The following PTPRR variants were observed in gnomAD, a reference collection of about 807,000 sequenced individuals.
PTPRR encodes protein tyrosine phosphatase receptor type R.
PTPRR carries 38 observed loss-of-function variants against 77.2 expected under a neutral mutation model. The ratio of observed to expected loss-of-function variants is 0.49; its 90% confidence interval spans 0.38 to 0.65. The LOEUF is 0.65. PTPRR is among the 30% of genes least tolerant of loss of function. The pLI, the probability that PTPRR is intolerant of heterozygous loss-of-function variation, is 0.00. For missense variants in PTPRR, 744 were observed against 799.2 expected (o/e 0.93, Z 0.83); for synonymous variants, 299 against 283.1 (o/e 1.06, Z -0.57).
intron 2 of PTPRR, among the ~76,000 whole-genome samples, chr12:70,876,751 G>C (rs1316538484): frequency 6.6e-6 from 1 of 152,096 alleles, no homozygotes; most frequent in African/African-American, 2.4e-5. Flanking sequence ...TTAAAAAATA[G>C]TCTTCTTTCT....
At position 70,686,225 on chromosome 12, in the gene PTPRR, T is replaced by C. The variant is rs1445574067; in HGVS notation, c.1280-1442A>G. Among the ~76,000 whole-genome samples, 3 of 152,052 alleles carry C rather than the reference T, an allele frequency of 2.0e-5. 1 individual carries two copies. The highest frequency in any genetic ancestry group is 4.4e-5 in the Non-Finnish European group (3 of 68,020). ...TCTGGGTAAACACAATCTCTTACGT[T>C]CCCCACGAAAACTGAGACAAAGAGG... On this transcript the variant is annotated intron_variant, in intron 8 of 13. Transcript: ENST00000283228.
chr12:70,669,412 A>T (rs1209257034), intron 10 of PTPRR, among the ~76,000 whole-genome samples: 4 of 151,778 alleles, frequency 2.6e-5, no homozygotes, highest in South Asian at 2.1e-4. Flanking sequence ...TGGAACACTT[A>T]AATATATCTT....
At chr12:70,871,397 A>G (rs1330090628) in intron 2 of PTPRR, among the ~76,000 whole-genome samples, 1 of 152,088 alleles carries the variant, frequency 6.6e-6, no homozygotes, top group Non-Finnish European at 1.5e-5. Flanking sequence ...GACTGCTCAC[A>G]TCTCCCCTCG....
chr12:70,828,694 T>C (rs1283495182), intron 2 of PTPRR, among the ~76,000 whole-genome samples: 3 of 152,208 alleles, frequency 2.0e-5, no homozygotes, highest in African/African-American at 7.2e-5. Flanking sequence ...AAGAATGTGG[T>C]TAGCTTTCTG....
intron 2 of PTPRR, among the ~76,000 whole-genome samples, chr12:70,799,582 T>C (rs1301032486): frequency 6.6e-6 from 1 of 152,198 alleles, no homozygotes; most frequent in Non-Finnish European, 1.5e-5. Flanking sequence ...TATGGACATA[T>C]ATTTTCACAT....
At chr12:70,728,528 A>AAT (rs71068723) in intron 6 of PTPRR, among the ~76,000 whole-genome samples, 8,915 of 79,784 alleles carry the variant, frequency 0.11, 550 homozygotes, top group Middle Eastern at 0.14. Context: ...CCAAAATCTG[A>AAT]ATATATATAT....
At chr12:70,645,971 A>T (rs111422743) in intron 13 of PTPRR, among the ~76,000 whole-genome samples, 53 of 152,312 alleles carry the variant, frequency 3.5e-4, no homozygotes, top group African/African-American at 1.1e-3. Context: ...AGAGAGCAAC[A>T]GCCTTTCCTG....
intron 2 of PTPRR, among the ~76,000 whole-genome samples, chr12:70,826,319 G>C (rs1192159568): frequency 6.6e-6 from 1 of 152,170 alleles, no homozygotes; most frequent in African/African-American, 2.4e-5. Flanking sequence ...TAGTGGGAAA[G>C]GTGAGAAGAG....
intron 2 of PTPRR, among the ~76,000 whole-genome samples, chr12:70,813,834 G>A (rs1051905542): frequency 5.3e-5 from 8 of 152,172 alleles, no homozygotes; most frequent in Non-Finnish European, 1.0e-4. Context: ...TAGAACGATC[G>A]CTTGCTCTAC....
At chr12:70,853,977 A>G (rs1392304796) in intron 2 of PTPRR, among the ~76,000 whole-genome samples, 1 of 152,230 alleles carries the variant, frequency 6.6e-6, no homozygotes, top group African/African-American at 2.4e-5. Context: ...CTGAGAATCA[A>G]GTAGCTACAA....
At chr12:70,801,809 G>T (rs1035882532) in intron 2 of PTPRR, among the ~76,000 whole-genome samples, 1 of 151,790 alleles carries the variant, frequency 6.6e-6, no homozygotes, top group Admixed American at 6.6e-5. Flanking sequence ...CATTGGTTTT[G>T]TTTCTTTGGA....
At chr12:70,748,974 G>A (rs1890300152) in intron 5 of PTPRR, among the ~76,000 whole-genome samples, 1 of 152,150 alleles carries the variant, frequency 6.6e-6, no homozygotes, top group Non-Finnish European at 1.5e-5. Flanking sequence ...ATTATGTTCA[G>A]TACAAAGTAC....
intron 4 of PTPRR, among the ~76,000 whole-genome samples, chr12:70,760,908 A>C (rs1890675670): frequency 1.3e-5 from 2 of 152,188 alleles, no homozygotes; most frequent in South Asian, 4.1e-4. Context: ...TGGTAGAGGA[A>C]ATTTTTTAAA....
intron 6 of PTPRR, among the ~76,000 whole-genome samples, chr12:70,723,755 T>A (rs1276890558): frequency 6.6e-6 from 1 of 152,230 alleles, no homozygotes; most frequent in Non-Finnish European, 1.5e-5. Context: ...GCTTTTGCAT[T>A]AGCATTAAAT....
At chr12:70,795,942 GAC>G (rs1241627040) in intron 2 of PTPRR, among the ~76,000 whole-genome samples, 17 of 3,888 alleles carry the variant, frequency 4.4e-3, no homozygotes, top group Non-Finnish European at 0.023. Flanking sequence ...TTTTTTTTTT[GAC>G]ACAGAGTCTT....
At chr12:70,894,066 C>T (rs745418706) in intron 1 of PTPRR, among the ~76,000 whole-genome samples, 45 of 151,710 alleles carry the variant, frequency 3.0e-4, no homozygotes, top group Non-Finnish European at 5.6e-4. Flanking sequence ...GAAAAGCAAA[C>T]ATGAGATCTG....
intron 2 of PTPRR, among the ~76,000 whole-genome samples, chr12:70,789,324 C>A (rs1891384871): frequency 6.6e-6 from 1 of 151,956 alleles, no homozygotes; most frequent in Non-Finnish European, 1.5e-5. Flanking sequence ...ACATAAATTT[C>A]TTTTCAAAGT....
chr12:70,890,127 A>G (rs1345620434), intron 2 of PTPRR, among the ~76,000 whole-genome samples: 3 of 152,156 alleles, frequency 2.0e-5, no homozygotes, highest in Non-Finnish European at 2.9e-5. Flanking sequence ...TTTACAGCAT[A>G]CTTTCATCTA....
intron 10 of PTPRR, among the ~76,000 whole-genome samples, chr12:70,671,470 A>G (rs1200448326): frequency 6.6e-6 from 1 of 152,232 alleles, no homozygotes; most frequent in East Asian, 1.9e-4. Flanking sequence ...TAAAAAAGAC[A>G]GGAGGCTAAA....
Sources: gnomAD v4.1 joint callset for allele counts (sites outside exome capture counted in the v4.1 genomes callset) on GRCh38, gnomAD v4.1.1 for gene constraint, MANE v1.5 for transcripts, NCBI Gene and HGNC (gene_info 2026-07-23, HGNC 2026-07-21) for gene names.